SETBP1: variants seen among roughly 807,000 people sequenced by gnomAD.
SETBP1 encodes SET binding protein 1.
In SETBP1, 9 loss-of-function variants were observed where a neutral mutation model predicts 101.0. The observed-to-expected ratio is 0.09, with a 90% CI of 0.05 to 0.16. SETBP1 has a LOEUF of 0.16. Ranked by LOEUF, SETBP1 falls within the 10% of genes least tolerant of loss-of-function variation. The pLI is 1.00. For synonymous variants in SETBP1, 818 were observed against 788.5 expected, an observed-to-expected ratio of 1.04 and a Z score of -0.63; for missense variants, 1,858 against 2,033.8, an observed-to-expected ratio of 0.91 and a Z score of 1.66.
chr18:44,935,996 G>A (rs1456901300), intron 3 of SETBP1, among the ~76,000 whole-genome samples: 2 of 152,210 alleles, frequency 1.3e-5, no homozygotes, highest in Non-Finnish European at 2.9e-5. Flanking sequence ...GAGAGGAGTA[G>A]CATGGAGAAC....
intron 2 of SETBP1, among the ~76,000 whole-genome samples, chr18:44,827,594 C>G (rs951377333): frequency 1.3e-5 from 2 of 152,160 alleles, no homozygotes; most frequent in Non-Finnish European, 2.9e-5. Context: ...TGGGAAGATG[C>G]AGGTATATTG....
rs768452541 is a variant in SETBP1 at position 44,951,641 on chromosome 18, A to C, written c.2301A>C (p.Ser767=). 3.1e-6 allele frequency: 5 copies of C among 1,614,138 alleles called. No homozygotes were observed. The highest frequency in any genetic ancestry group is 2.2e-5 in the South Asian group (2 of 91,074). ...CAGCCGTGCCTTCCAACTTTCAGTCACTTGTGGCGTCTTCACCAGCAGCTA... is the reference window on the plus strand; with the variant it reads ...CAGCCGTGCCTTCCAACTTTCAGTCCCTTGTGGCGTCTTCACCAGCAGCTA... ...DVPAVPSNFQ[S]LVASSPAAMH... is the part of the protein sequence containing the mutation. Residue 767 remains serine (S), a synonymous_variant, in exon 4 of 6, where the codon TCA becomes TCC. Coordinates refer to ENST00000649279, the MANE Select transcript of SETBP1 (RefSeq NM_015559.3). This position sits in a 1 kb window ranked among gnomAD's most constrained non-coding sequence, Gnocchi z 7.8.
intron 2 of SETBP1, among the ~76,000 whole-genome samples, chr18:44,835,720 T>C (rs746753808): frequency 6.6e-6 from 1 of 152,196 alleles, no homozygotes; most frequent in Non-Finnish European, 1.5e-5. Flanking sequence ...GGTTTGTTTG[T>C]GAAGTTCACA....
intron 5 of SETBP1, among the ~76,000 whole-genome samples, chr18:45,049,649 A>C (rs1204763159): frequency 6.6e-6 from 1 of 152,030 alleles, no homozygotes; most frequent in Non-Finnish European, 1.5e-5. Context: ...CTTTCTTCAT[A>C]ACCCTGACCA....
intron 3 of SETBP1, among the ~76,000 whole-genome samples, chr18:44,895,459 A>G (rs1303173878): frequency 6.6e-6 from 1 of 152,120 alleles, no homozygotes; most frequent in Non-Finnish European, 1.5e-5. Context: ...TGTGTCCTCA[A>G]ATATAATTGT....
intron 2 of SETBP1, among the ~76,000 whole-genome samples, chr18:44,827,108 G>A (rs888622278): frequency 6.6e-6 from 1 of 152,186 alleles, no homozygotes; most frequent in African/African-American, 2.4e-5. Context: ...CACTAGTGGT[G>A]ATGACATGTT....
intron 2 of SETBP1, among the ~76,000 whole-genome samples, chr18:44,705,528 G>GTGC (rs2069199534): frequency 1.3e-5 from 2 of 152,156 alleles, no homozygotes; most frequent in South Asian, 4.1e-4. Context: ...GTTATATTAT[G>GTGC]TGCTGCTTTT....
chr18:44,954,346 A>C (rs1044984780), intron 4 of SETBP1, among the ~76,000 whole-genome samples: 1 of 151,214 alleles, frequency 6.6e-6, no homozygotes, highest in Non-Finnish European at 1.5e-5. Context: ...AAAAAAAAAA[A>C]AAAAAAAACA....
At chr18:44,977,304 G>A (rs2072011337) in intron 4 of SETBP1, among the ~76,000 whole-genome samples, 1 of 152,198 alleles carries the variant, frequency 6.6e-6, no homozygotes, top group African/African-American at 2.4e-5. Flanking sequence ...TAGGGAAAGG[G>A]GGAAAAAAGG....
intron 1 of SETBP1, among the ~76,000 whole-genome samples, chr18:44,685,550 T>C (rs1462770635): frequency 6.6e-6 from 1 of 152,144 alleles, no homozygotes; most frequent in African/African-American, 2.4e-5. Flanking sequence ...GTCCCTGTAC[T>C]TCCCAGTTAA....
intron 4 of SETBP1, among the ~76,000 whole-genome samples, chr18:44,982,429 A>G (rs1016111011): frequency 6.6e-6 from 1 of 152,226 alleles, no homozygotes; most frequent in Non-Finnish European, 1.5e-5. Flanking sequence ...CATTTAGGGT[A>G]TTCCCTGCCT....
chr18:44,967,053 T>C, intron 4 of SETBP1, among the ~76,000 whole-genome samples: 1 of 152,208 alleles, frequency 6.6e-6, no homozygotes, highest in Admixed American at 6.5e-5. Context: ...AGAAGTCTTC[T>C]TTAAACAGCA....
At chr18:45,043,250 T>C (rs754625774) in intron 5 of SETBP1, among the ~76,000 whole-genome samples, 3 of 152,176 alleles carry the variant, frequency 2.0e-5, no homozygotes, top group Non-Finnish European at 4.4e-5. Context: ...AGATTCCAAA[T>C]GGTGGTAAGA....
intron 3 of SETBP1, among the ~76,000 whole-genome samples, chr18:44,932,647 CT>C (rs987143616): frequency 2.6e-5 from 4 of 152,002 alleles, no homozygotes; most frequent in African/African-American, 4.8e-5. Flanking sequence ...TCTTTTTACT[CT>C]TTTTTTTCTC....
In SETBP1 at chr18:44,951,576, A is replaced by G. The variant is rs1347725506; in HGVS notation, c.2236A>G (p.Ile746Val). Residue 746 changes from isoleucine (I) to valine (V), a missense_variant, in exon 4 of 6, where the codon ATC (isoleucine) becomes GTC (valine). Ile to Val is a conservative substitution (Grantham distance 29, BLOSUM62 3). Coordinates refer to ENST00000649279, the MANE Select transcript of SETBP1 (RefSeq NM_015559.3). This position sits in a 1 kb window ranked among gnomAD's most constrained non-coding sequence, Gnocchi z 7.8. ...CCCATCCGAAGAACCCAAAACAGCC[A>G]TCAAGCACCCCAGGCCTGTTTCTAG... ...PPPSEEPKTA[I>V]KHPRPVSSQP... 1.9e-6 allele frequency: 3 copies of G among 1,614,146 alleles called. No homozygotes were observed. The highest frequency in any genetic ancestry group is 2.5e-6 in the Non-Finnish European group (3 of 1,180,028).
intron 2 of SETBP1, among the ~76,000 whole-genome samples, chr18:44,812,427 C>G (rs567231682): frequency 5.3e-5 from 8 of 152,230 alleles, no homozygotes; most frequent in African/African-American, 1.7e-4. Context: ...AGTGTCAGGG[C>G]CGTAAAATAG....
At chr18:44,732,494 C>A (rs1466243950) in intron 2 of SETBP1, 1 of 152,182 alleles carries the variant, frequency 6.6e-6, no homozygotes, top group Non-Finnish European at 1.5e-5. Flanking sequence ...AGTGCTATTT[C>A]TCACCCTTGC....
intron 4 of SETBP1, among the ~76,000 whole-genome samples, chr18:45,017,628 C>A (rs1165907570): frequency 2.0e-5 from 3 of 152,236 alleles, no homozygotes; most frequent in Non-Finnish European, 1.5e-5. Flanking sequence ...AGTGCTGCCT[C>A]GTTACTAATG....
At chr18:44,804,416 G>A (rs1454027871) in intron 2 of SETBP1, among the ~76,000 whole-genome samples, 1 of 152,056 alleles carries the variant, frequency 6.6e-6, no homozygotes, top group African/African-American at 2.4e-5. Flanking sequence ...ATGAATTTTT[G>A]TAAACTGTAG....
Sources: allele counts gnomAD v4.1 joint callset (sites outside exome capture counted in the v4.1 genomes callset), GRCh38; gene constraint gnomAD v4.1.1; non-coding constraint Gnocchi (gnomAD v3.1); transcripts MANE v1.5; gene names NCBI Gene and HGNC (gene_info 2026-07-23, HGNC 2026-07-21).